Variants in PRDM16 observed in about 807,000 individuals in gnomAD.
The protein encoded by PRDM16 is histone-lysine N-methyltransferase PRDM16.
A neutral mutation model predicts 110.6 loss-of-function variants in PRDM16; 23 were observed. The observed-to-expected ratio is 0.21, with a 90% CI of 0.15 to 0.29. PRDM16 has a LOEUF of 0.29. Among genes scored for constraint, PRDM16 ranks in the 10% least tolerant of loss-of-function variants. The pLI is 1.00. For missense variants in PRDM16, 1,615 were observed against 1,794.3 expected, an observed-to-expected ratio of 0.90 and a Z score of 1.81; for synonymous variants, 799 against 781.8, an observed-to-expected ratio of 1.02 and a Z score of -0.37.
Position 3,243,256 on chromosome 1 carries a change from C to A in PRDM16, c.388-831C>A, listed in dbSNP as rs368010330. Reference sequence around the variant, plus strand: ...ACCTGCATGGCACTAGGCACAGCGGCTTTTCTGCCTTAGCTCCATTTCCTT... The same window carrying A: ...ACCTGCATGGCACTAGGCACAGCGGATTTTCTGCCTTAGCTCCATTTCCTT... On this transcript the variant is annotated intron_variant, in intron 2 of 16. Transcript: ENST00000270722. This position sits in a 1 kb window ranked among gnomAD's most constrained non-coding sequence, Gnocchi z 5.5. Among the ~76,000 whole-genome samples the A allele has an allele frequency of 1.1e-3, 164 of 152,342 alleles. No homozygotes were observed. The highest frequency in any genetic ancestry group is 3.4e-3 in the African/African-American group (143 of 41,590).
At position 3,412,620 on chromosome 1, in the gene PRDM16, G is replaced by GCAGCCGGGCCCGTGC; in HGVS notation, c.2429_2443dup (p.Arg810_Ser814dup). The stretch of plus-strand genomic sequence containing the variant: ...GAGCAGCCGCTGGACCTGAGCATCG[G>GCAGCCGGGCCCGTGC]CAGCCGGGCCCGTGCCAGCCAAAAC... On this transcript the variant is annotated inframe_insertion, in exon 9 of 17. Coordinates refer to ENST00000270722, the MANE Select transcript of PRDM16 (RefSeq NM_022114.4). 1 of 1,588,686 alleles carries GCAGCCGGGCCCGTGC rather than the reference G, an allele frequency of 6.3e-7. No homozygotes were observed.
Position 3,425,415 on chromosome 1 carries a change from C to T in PRDM16, c.2940-166C>T, listed in dbSNP as rs1638573855. 1.5e-6 allele frequency: 1 copy of T among 664,844 alleles called. No individual in the cohort carries two copies. The highest frequency in any genetic ancestry group is 3.1e-5 in the Admixed American group (1 of 32,172). The allele number at this position is 664,844 out of a possible 1,614,324, so 41.2% of individuals were successfully genotyped here. On this transcript the variant is annotated intron_variant, in intron 12 of 16. Coordinates refer to ENST00000270722, the MANE Select transcript of PRDM16 (RefSeq NM_022114.4). This position sits in a 1 kb window ranked among gnomAD's most constrained non-coding sequence, Gnocchi z 6.9. Reference sequence around the variant, plus strand: ...TCTAGGGACAGCTTCCCCAGGATGCCTTTGGCTCTGCAGCTGGGAGATCCA... The same window carrying T: ...TCTAGGGACAGCTTCCCCAGGATGCTTTTGGCTCTGCAGCTGGGAGATCCA...
chr1:3,269,478 A>G (rs1640377683), intron 3 of PRDM16, among the ~76,000 whole-genome samples: 1 of 148,530 alleles, frequency 6.7e-6, no homozygotes, highest in Non-Finnish European at 1.5e-5. Context: ...CCAGAGGAGG[A>G]AAGTCCCAGA....
rs1638266291 is a variant in PRDM16, at chr1:3,190,223, C to CTTCAAGGTCGTGGGGCAGCG, written c.387+3751_387+3752insCAAGGTCGTGGGGCAGCGTT. Among the ~76,000 whole-genome samples, 4 of 142,006 alleles carry CTTCAAGGTCGTGGGGCAGCG rather than the reference C, an allele frequency of 2.8e-5. No homozygotes were observed. Among genetic ancestry groups the CTTCAAGGTCGTGGGGCAGCG allele is most frequent in the African/African-American group, 1.2e-4 (4 of 34,478 alleles). 93.2% of individuals were successfully genotyped at this position (142,006 alleles called of 152,430 possible). On this transcript the variant is annotated intron_variant, in intron 2 of 16. Coordinates refer to ENST00000270722, the MANE Select transcript of PRDM16 (RefSeq NM_022114.4). The surrounding 1 kb of genome is among the most constrained non-coding windows in gnomAD (Gnocchi z 5.0). ...CGTTACTTCAAGGTCGTGGGGCAGC[C>CTTCAAGGTCGTGGGGCAGCG]TTACTTCAAGGTCGTGGGGCAGCCT...
At chr1:3,430,199 T>C (rs548760408) in intron 14 of PRDM16, among the ~76,000 whole-genome samples, 62 of 152,304 alleles carry the variant, frequency 4.1e-4, no homozygotes, top group South Asian at 1.0e-3. Context: ...GAAATGAGAA[T>C]GCCCAGCCAC....
chr1:3,338,691 G>C (rs1244015927), intron 3 of PRDM16, among the ~76,000 whole-genome samples: 2 of 152,130 alleles, frequency 1.3e-5, no homozygotes, highest in Admixed American at 1.3e-4. Flanking sequence ...GGCTGGGGAA[G>C]CTCCTGGAAC....
At position 3,186,303 on chromosome 1, in the gene PRDM16, C is replaced by T. The variant is rs1219897015; in HGVS notation, c.216C>T (p.Val72=). The change falls in exon 2 of 17, where the codon GTC becomes GTT. Residue 72 remains valine, a synonymous_variant. Coordinates refer to ENST00000270722, the MANE Select transcript of PRDM16 (RefSeq NM_022114.4). ...AGGGCTCGCCGTACGAGGCCCCTGT[C>T]TACATTCCTGAAGACATTCCGATCC... ...PKEGSPYEAP[V]YIPEDIPIPA... is the part of the protein sequence containing the mutation. 8 of 1,612,046 alleles carry T rather than the reference C, an allele frequency of 5.0e-6. No individual in the cohort carries two copies. The South Asian group carries it at 5.5e-5, about 11-fold the overall frequency.
In PRDM16 at chr1:3,095,817, G is replaced by C. The variant is rs1035015402; in HGVS notation, c.37+26521G>C. Reference sequence around the variant, plus strand: ...ATCTGCCCCTTGGAATGCCCTGGGGGCTGCTTGGGGTGCCCCAGGGGAGCC... The same window carrying C: ...ATCTGCCCCTTGGAATGCCCTGGGGCCTGCTTGGGGTGCCCCAGGGGAGCC... On this transcript the variant is annotated intron_variant, in intron 1 of 16. Transcript: ENST00000270722. 1.4e-4 allele frequency among the ~76,000 whole-genome samples: 21 copies of C among 152,144 alleles called. No individual in the cohort carries two copies. In the Middle Eastern group the frequency reaches 0.014, roughly 99 times the overall value.
At chr1:3,406,578 A>T (rs1033772340) in intron 8 of PRDM16, among the ~76,000 whole-genome samples, 28 of 149,644 alleles carry the variant, frequency 1.9e-4, no homozygotes, top group African/African-American at 7.1e-4. Context: ...AAAAAAAAAA[A>T]AATTTTTTTT....
chr1:3,397,536 G>A (rs541042597), intron 5 of PRDM16, among the ~76,000 whole-genome samples: 1 of 152,264 alleles, frequency 6.6e-6, no homozygotes, highest in Admixed American at 6.5e-5. Context: ...GCCCTGGCCC[G>A]TCGGCTCCAC....
intron 3 of PRDM16, among the ~76,000 whole-genome samples, chr1:3,258,701 A>G (rs1640099470): frequency 1.3e-5 from 2 of 152,364 alleles, no homozygotes; most frequent in South Asian, 2.1e-4. Context: ...TCTGGTGTTC[A>G]TCACAGATCA....
At chr1:3,196,869 C>T (rs1638492172) in intron 2 of PRDM16, among the ~76,000 whole-genome samples, 1 of 152,212 alleles carries the variant, frequency 6.6e-6, no homozygotes, top group South Asian at 2.1e-4. Context: ...AGCAGCAGAG[C>T]CTTTCCTGAC....
intron 1 of PRDM16, among the ~76,000 whole-genome samples, chr1:3,095,927 G>A (rs1642387470): frequency 6.6e-6 from 1 of 152,072 alleles, no homozygotes; most frequent in African/African-American, 2.4e-5. Context: ...CTCAGCATCT[G>A]ACAGGGGTCT....
At chr1:3,233,269 C>A (rs1409947332) in intron 2 of PRDM16, among the ~76,000 whole-genome samples, 1 of 152,176 alleles carries the variant, frequency 6.6e-6, no homozygotes, top group Non-Finnish European at 1.5e-5. Context: ...GAGGGACCGT[C>A]AGCATTTTCA....
intron 1 of PRDM16, among the ~76,000 whole-genome samples, chr1:3,121,847 C>T (rs888347283): frequency 3.3e-5 from 5 of 152,102 alleles, no homozygotes; most frequent in Non-Finnish European, 7.4e-5. Context: ...GTGGCCCTGG[C>T]GGGAAGTGGA....
At chr1:3,196,369 T>C (rs1451408111) in intron 2 of PRDM16, among the ~76,000 whole-genome samples, 3 of 152,262 alleles carry the variant, frequency 2.0e-5, no homozygotes, top group Non-Finnish European at 4.4e-5. Flanking sequence ...TCTCTGGGCT[T>C]GGGGGAATTC....
chr1:3,331,960 T>C (rs1642050009), intron 3 of PRDM16, among the ~76,000 whole-genome samples: 1 of 152,244 alleles, frequency 6.6e-6, no homozygotes, highest in African/African-American at 2.4e-5. Flanking sequence ...GCAGTGGCTC[T>C]ATCATGCCCC....
chr1:3,132,337 C>T (rs1643352151), intron 1 of PRDM16, among the ~76,000 whole-genome samples: 1 of 152,174 alleles, frequency 6.6e-6, no homozygotes, highest in Non-Finnish European at 1.5e-5. Context: ...GGAGCGGAGC[C>T]TGCTGGGTGG....
rs1643867686 is a variant in PRDM16 at position 3,157,425 on chromosome 1, A to T, written c.38-28700A>T. On this transcript the variant is annotated intron_variant, in intron 1 of 16. Transcript: ENST00000270722. The surrounding 1 kb of genome is among the most constrained non-coding windows in gnomAD (Gnocchi z 4.8). The stretch of plus-strand genomic sequence containing the variant: ...CCCAGGCCTTTTGCGATCCCATTAA[A>T]AAAAAAAAAAAAAAAAACACCTTTG... Among the ~76,000 whole-genome samples, 1 of 90,206 alleles carries T rather than the reference A, an allele frequency of 1.1e-5. No homozygotes were observed. Among genetic ancestry groups the T allele is most frequent in the Non-Finnish European group, 2.5e-5 (1 of 40,216 alleles). The allele number at this position is 90,206 out of a possible 152,430, so 59.2% of individuals were successfully genotyped here. A position where few individuals can be genotyped will look rare whatever the true frequency, so the allele number is the denominator to read the frequency against.
Sources: gnomAD v4.1 joint callset for allele counts (sites outside exome capture counted in the v4.1 genomes callset) on GRCh38, gnomAD v4.1.1 for gene constraint, Gnocchi (gnomAD v3.1) non-coding constraint, MANE v1.5 for transcripts, NCBI Gene and HGNC (gene_info 2026-07-23, HGNC 2026-07-21) for gene names.